The following PRUNE2 variants were observed in gnomAD, a reference collection of about 807,000 sequenced individuals.
PRUNE2 encodes the protein prune homolog 2 with BCH domain.
PRUNE2 carries 164 observed loss-of-function variants against 252.0 expected under a neutral mutation model. That is an observed-to-expected ratio of 0.65 (90% CI 0.57 to 0.74). The LOEUF (loss-of-function observed/expected upper bound fraction) is 0.74. Ranked by LOEUF, PRUNE2 falls within the 30% of genes least tolerant of loss-of-function variation. The pLI, the probability that PRUNE2 is intolerant of heterozygous loss-of-function variation, is 0.00. For synonymous variants in PRUNE2, 1,292 were observed against 1,350.2 expected, an observed-to-expected ratio of 0.96 and a Z score of 0.94; for missense variants, 3,495 against 3,711.0, an observed-to-expected ratio of 0.94 and a Z score of 1.51.
chr9:76,641,649 G>GT (rs1485835889), intron 12 of PRUNE2, among the ~76,000 whole-genome samples: 1 of 152,002 alleles, frequency 6.6e-6, no homozygotes, highest in Admixed American at 6.5e-5. Flanking sequence ...TTGAAGTCTG[G>GT]TTTTTAAAAC....
chr9:76,755,858 C>T (rs1020035173), intron 6 of PRUNE2, among the ~76,000 whole-genome samples: 4 of 152,084 alleles, frequency 2.6e-5, no homozygotes, highest in Admixed American at 6.6e-5. Context: ...CACGCCACCA[C>T]GCCCCGGTAA....
intron 6 of PRUNE2, among the ~76,000 whole-genome samples, chr9:76,757,910 T>C (rs762859656): frequency 1.8e-4 from 27 of 152,190 alleles, no homozygotes; most frequent in Non-Finnish European, 3.1e-4. Context: ...CTTAGTGCAG[T>C]TTTAAGCTTT....
intron 9 of PRUNE2, among the ~76,000 whole-genome samples, chr9:76,677,235 T>C (rs1272609334): frequency 1.3e-5 from 2 of 152,270 alleles, no homozygotes; most frequent in African/African-American, 4.8e-5. Context: ...TCTATTTTGT[T>C]AGATTTACTT....
chr9:76,830,861 T>G (rs2058630338), intron 4 of PRUNE2, among the ~76,000 whole-genome samples: 1 of 151,824 alleles, frequency 6.6e-6, no homozygotes, highest in Admixed American at 6.6e-5. Flanking sequence ...CTAAAGACAA[T>G]GGAATTACAT....
intron 1 of PRUNE2, among the ~76,000 whole-genome samples, chr9:76,857,743 C>G (rs1183354149): frequency 6.6e-6 from 1 of 152,144 alleles, no homozygotes; most frequent in Non-Finnish European, 1.5e-5. Flanking sequence ...CACAAATGAC[C>G]TTGGTTGTGC....
intron 6 of PRUNE2, among the ~76,000 whole-genome samples, chr9:76,806,262 A>G (rs946639102): frequency 1.3e-5 from 2 of 152,172 alleles, no homozygotes; most frequent in South Asian, 4.1e-4. Context: ...CTCCTATGCA[A>G]ACTAGACTTT....
At chr9:76,619,079 TATTC>T (rs1396197115) in intron 18 of PRUNE2, among the ~76,000 whole-genome samples, 1 of 152,188 alleles carries the variant, frequency 6.6e-6, no homozygotes, top group Non-Finnish European at 1.5e-5. Context: ...CTGGTCCTAA[TATTC>T]ATTTTCTTCC....
chr9:76,731,324 A>ATT (rs1181079797), intron 6 of PRUNE2, among the ~76,000 whole-genome samples: 45 of 106,786 alleles, frequency 4.2e-4, no homozygotes, highest in African/African-American at 1.1e-3. Flanking sequence ...ATATATATAT[A>ATT]TTTTTTTTTT....
chr9:76,779,009 T>G (rs1349461460), intron 6 of PRUNE2: 1 of 152,332 alleles, frequency 6.6e-6, no homozygotes, highest in Non-Finnish European at 1.5e-5. Context: ...CTAGTCATCT[T>G]AAATAAATGA....
At position 76,657,698 on chromosome 9, in the gene PRUNE2, G is replaced by C. The variant is rs150461504; in HGVS notation, c.8277-2196C>G. On this transcript the variant is annotated intron_variant, in intron 9 of 18. Coordinates refer to ENST00000376718, the MANE Select transcript of PRUNE2 (RefSeq NM_015225.3). ...AGTACTCTGTAAGTCATAAAGCACT[G>C]TCTGAGTTTAAGGTATTACATACCC... 3.3e-5 allele frequency among the ~76,000 whole-genome samples: 5 copies of C among 152,322 alleles called. No individual in the cohort carries two copies. The East Asian group carries it at 9.6e-4, about 29-fold the overall frequency.
In PRUNE2 at chr9:76,708,046, G is replaced by C; in HGVS notation, c.4228C>G (p.Leu1410Val). ...VLEYEEGSYN[L>V]DSRDVQTGMS... ...CCTGTTTGCACATCACGGGAGTCTA[G>C]ATTGTAAGACCCCTCCTCATACTCT... The change falls in exon 8 of 19, where the codon CTA becomes GTA. Residue 1410 changes from leucine (L) to valine (V), a missense_variant. Physicochemically the swap from Leu to Val is conservative, Grantham distance 32 (BLOSUM62 1). Transcript: ENST00000376718. The C allele has an allele frequency of 6.2e-7, 1 of 1,613,982 alleles. No individual in the cohort carries two copies. Among genetic ancestry groups the C allele is most frequent in the Non-Finnish European group, 8.5e-7 (1 of 1,179,892 alleles).
intron 6 of PRUNE2, among the ~76,000 whole-genome samples, chr9:76,755,758 A>T (rs112428225): frequency 6.6e-6 from 1 of 152,108 alleles, no homozygotes; most frequent in Non-Finnish European, 1.5e-5. Flanking sequence ...GCTGGAGTGC[A>T]GTGACGCAAT....
intron 6 of PRUNE2, among the ~76,000 whole-genome samples, chr9:76,732,139 C>T (rs185443275): frequency 6.6e-6 from 1 of 152,016 alleles, no homozygotes; most frequent in Non-Finnish European, 1.5e-5. Context: ...ATGGTGAAAC[C>T]CTGTCTCTAC....
chr9:76,718,372 C>A (rs1261977355), intron 6 of PRUNE2, among the ~76,000 whole-genome samples: 2 of 152,150 alleles, frequency 1.3e-5, no homozygotes, highest in African/African-American at 4.8e-5. Flanking sequence ...TCTTCTCAGT[C>A]CCCCTGGTGG....
At chr9:76,644,625 C>A in intron 12 of PRUNE2, 114 bp downstream of exon 12, 1 of 950,610 alleles carries the variant, frequency 1.1e-6, no homozygotes, top group East Asian at 2.5e-5. Flanking sequence ...AATATTGGCT[C>A]TAGAATAGGG....
chr9:76,758,137 A>C (rs2051332788), intron 6 of PRUNE2, among the ~76,000 whole-genome samples: 1 of 152,240 alleles, frequency 6.6e-6, no homozygotes, highest in African/African-American at 2.4e-5. Context: ...AATAGAGTAA[A>C]AGAGATGAAA....
At chr9:76,828,376 A>G (rs1430485539) in intron 4 of PRUNE2, among the ~76,000 whole-genome samples, 2 of 152,178 alleles carry the variant, frequency 1.3e-5, no homozygotes, top group African/African-American at 4.8e-5. Context: ...AGAGATAGAG[A>G]TAGATAGCGG....
At chr9:76,622,247 T>G (rs1010733828) in intron 17 of PRUNE2, among the ~76,000 whole-genome samples, 1 of 152,130 alleles carries the variant, frequency 6.6e-6, no homozygotes, top group East Asian at 1.9e-4. Context: ...CTCAGGACCC[T>G]CTGAGCCATT....
intron 6 of PRUNE2, among the ~76,000 whole-genome samples, chr9:76,771,808 G>A (rs1243346742): frequency 6.6e-6 from 1 of 152,092 alleles, no homozygotes; most frequent in East Asian, 1.9e-4. Flanking sequence ...ACTATACTCC[G>A]TGTACTGCCC....
Sources: gnomAD v4.1 joint callset for allele counts (sites outside exome capture counted in the v4.1 genomes callset) on GRCh38, gnomAD v4.1.1 for gene constraint, MANE v1.5 for transcripts, NCBI Gene and HGNC (gene_info 2026-07-23, HGNC 2026-07-21) for gene names.